Variants in PACRG observed in about 807,000 individuals in gnomAD.
The protein encoded by PACRG is parkin coregulated.
Under a neutral mutation model 29.7 loss-of-function variants are expected in PACRG, and 29 were observed. That is an observed-to-expected ratio of 0.98 (90% CI 0.73 to 1.33). The LOEUF (loss-of-function observed/expected upper bound fraction) is 1.33. Ranked by LOEUF, PACRG falls within the 40% of genes most tolerant of loss-of-function variation. The pLI is 0.00. For synonymous variants in PACRG, 116 were observed against 118.7 expected (o/e 0.98, Z 0.15); for missense variants, 279 against 316.2 (o/e 0.88, Z 0.89).
At chr6:162,727,339 A>AGGTGAGGGGCGGCGGCGGGGCGCC, upstream of PACRG, 1 of 378,770 alleles carries the variant, frequency 2.6e-6, no homozygotes, top group Non-Finnish European at 4.7e-6. Context: ...GGCGGGGAGA[A>AGGTGAGGGGCGGCGGCGGGGCGCC]GGCTTCGGGA....
intron 2 of PACRG, among the ~76,000 whole-genome samples, chr6:163,053,422 A>G (rs1396595937): frequency 6.6e-6 from 1 of 152,144 alleles, no homozygotes; most frequent in Non-Finnish European, 1.5e-5. Flanking sequence ...AGATTTTAAT[A>G]TGTTTGCATT....
chr6:163,029,940 A>G (rs1807500344), intron 2 of PACRG, among the ~76,000 whole-genome samples: 1 of 152,170 alleles, frequency 6.6e-6, no homozygotes. Flanking sequence ...GGAGCAGGAG[A>G]AAAGTAATTG....
At chr6:163,264,694 T>A (rs1783462431) in intron 4 of PACRG, among the ~76,000 whole-genome samples, 1 of 151,994 alleles carries the variant, frequency 6.6e-6, no homozygotes, top group African/African-American at 2.4e-5. Flanking sequence ...CTTCCGCTGG[T>A]TGGAAAATAG....
At chr6:163,082,219 A>C (rs935561683) in intron 3 of PACRG, among the ~76,000 whole-genome samples, 1 of 152,184 alleles carries the variant, frequency 6.6e-6, no homozygotes, top group Non-Finnish European at 1.5e-5. Flanking sequence ...ATGTGAAAAA[A>C]TACTATAAAA....
chr6:162,780,752 T>G (rs2128313413), intron 1 of PACRG, among the ~76,000 whole-genome samples: 1 of 152,060 alleles, frequency 6.6e-6, no homozygotes, highest in South Asian at 2.1e-4. Context: ...CTACAATATC[T>G]AAGATGAAAA....
At chr6:163,241,826 G>A (rs1197324777) in intron 4 of PACRG, among the ~76,000 whole-genome samples, 1 of 152,212 alleles carries the variant, frequency 6.6e-6, no homozygotes, top group East Asian at 1.9e-4. Flanking sequence ...ACCCAAAGGG[G>A]GGGCACGGGC....
At chr6:163,218,884 T>G (rs1404417843) in intron 4 of PACRG, among the ~76,000 whole-genome samples, 1 of 152,200 alleles carries the variant, frequency 6.6e-6, no homozygotes, top group Non-Finnish European at 1.5e-5. Flanking sequence ...TGAAGACACT[T>G]TTGTCACAAG....
At chr6:163,108,635 C>A (rs1031124553) in intron 4 of PACRG, among the ~76,000 whole-genome samples, 1 of 151,988 alleles carries the variant, frequency 6.6e-6, no homozygotes, top group Non-Finnish European at 1.5e-5. Context: ...GTGATCCACC[C>A]ACCTCAACCT....
chr6:163,294,537 TGAAAG>T (rs1784723926), intron 4 of PACRG, among the ~76,000 whole-genome samples: 3 of 152,200 alleles, frequency 2.0e-5, no homozygotes, highest in Admixed American at 6.5e-5. Context: ...GGACAAAATT[TGAAAG>T]GAAAGACATA....
chr6:163,300,843 C>T (rs937255306), intron 4 of PACRG, among the ~76,000 whole-genome samples: 5 of 51,058 alleles, frequency 9.8e-5, no homozygotes, highest in African/African-American at 7.6e-4. Flanking sequence ...TGCTTCCTCT[C>T]GTGAGTTTAG....
At chr6:162,999,770 C>G (rs1804414519) in intron 2 of PACRG, among the ~76,000 whole-genome samples, 1 of 152,220 alleles carries the variant, frequency 6.6e-6, no homozygotes, top group Non-Finnish European at 1.5e-5. Flanking sequence ...ACTTTAGCCT[C>G]AGCCTTTCAA....
chr6:163,259,445 C>T (rs140249094), intron 4 of PACRG, among the ~76,000 whole-genome samples: 1 of 152,174 alleles, frequency 6.6e-6, no homozygotes, highest in South Asian at 2.1e-4. Flanking sequence ...ACTTGTGTCA[C>T]CTGCTGACCT....
chr6:163,109,538 T>G (rs550230883), intron 4 of PACRG, among the ~76,000 whole-genome samples: 1 of 152,342 alleles, frequency 6.6e-6, no homozygotes, highest in East Asian at 1.9e-4. Flanking sequence ...TTTTGAAATA[T>G]TTCTATCTTT....
intron 4 of PACRG, chr6:163,245,282 G>A: frequency 5.3e-5 from 12 of 227,342 alleles, no homozygotes; most frequent in Middle Eastern, 2.0e-3. Context: ...AACTACTCTT[G>A]GAAACTATCG....
chr6:163,123,174 A>T (rs1816371401), intron 4 of PACRG, among the ~76,000 whole-genome samples: 1 of 152,196 alleles, frequency 6.6e-6, no homozygotes, highest in Admixed American at 6.5e-5. Flanking sequence ...CTTAGGGCCC[A>T]GGGGATTGGC....
At chr6:163,267,945 A>T (rs918251474) in intron 4 of PACRG, among the ~76,000 whole-genome samples, 1 of 152,278 alleles carries the variant, frequency 6.6e-6, no homozygotes, top group Admixed American at 6.5e-5. Flanking sequence ...AGAAGAATTT[A>T]TAACTAACAG....
intron 4 of PACRG, among the ~76,000 whole-genome samples, chr6:163,202,644 C>T (rs755682945): frequency 6.6e-6 from 1 of 152,122 alleles, no homozygotes; most frequent in African/African-American, 2.4e-5. Context: ...GAAATGAGAA[C>T]TACTAAGCTA....
At chr6:163,010,628 G>T (rs554832367) in intron 2 of PACRG, among the ~76,000 whole-genome samples, 1 of 152,154 alleles carries the variant, frequency 6.6e-6, no homozygotes, top group Non-Finnish European at 1.5e-5. Context: ...ATTGTTAGAC[G>T]AGTCTTGCTA....
chr6:163,018,724 A>G (rs1806329978), intron 2 of PACRG, among the ~76,000 whole-genome samples: 1 of 152,148 alleles, frequency 6.6e-6, no homozygotes, highest in African/African-American at 2.4e-5. Context: ...AATACGGCCT[A>G]TCCTTTTAGT....
Sources: allele counts gnomAD v4.1 joint callset (sites outside exome capture counted in the v4.1 genomes callset), GRCh38; gene constraint gnomAD v4.1.1; transcripts MANE v1.5; gene names NCBI Gene and HGNC (gene_info 2026-07-23, HGNC 2026-07-21).